EML6: variants seen among roughly 807,000 people sequenced by gnomAD.
EML6 encodes the protein echinoderm microtubule-associated protein-like 6.
In EML6, 154 loss-of-function variants were observed where a neutral mutation model predicts 240.1. That is an observed-to-expected ratio of 0.64 (90% confidence interval 0.56 to 0.73). The LOEUF (loss-of-function observed/expected upper bound fraction) is 0.73, where lower values mean the gene tolerates loss of function less well. Among genes scored for constraint, EML6 ranks in the 30% least tolerant of loss-of-function variants. The pLI, the probability that EML6 is intolerant of heterozygous loss-of-function variation, is 0.00. For synonymous variants in EML6, 1,148 were observed against 899.0 expected (o/e 1.28, Z -4.95); for missense variants, 2,964 against 2,474.6 (o/e 1.20, Z -4.20).
intron 4 of EML6, among the ~76,000 whole-genome samples, chr2:54,818,576 C>T (rs1330866551): frequency 6.6e-6 from 1 of 152,226 alleles, no homozygotes; most frequent in African/African-American, 2.4e-5. Flanking sequence ...GTTCTGAGGG[C>T]TGCCCAATTT....
At chr2:54,852,688 T>C (rs1670155039) in intron 10 of EML6, among the ~76,000 whole-genome samples, 1 of 152,264 alleles carries the variant, frequency 6.6e-6, no homozygotes, top group Admixed American at 6.5e-5. Context: ...TTTTACGTAA[T>C]GCTGTTACAG....
chr2:54,808,188 A>T (rs1446374882), intron 2 of EML6, among the ~76,000 whole-genome samples: 10 of 152,182 alleles, frequency 6.6e-5, no homozygotes, highest in Admixed American at 6.5e-4. Flanking sequence ...CTGTGGTGTC[A>T]AGATCACAGT....
chr2:54,817,836 T>C (rs1466317808), intron 4 of EML6, among the ~76,000 whole-genome samples: 1 of 151,074 alleles, frequency 6.6e-6, no homozygotes, highest in African/African-American at 2.4e-5. Context: ...GGCACATTGA[T>C]CTATGGAGGT....
chr2:54,968,680 C>T lies in EML6; in HGVS notation c.5764C>T (p.Arg1922Ter), dbSNP rs1676856448. ...CTTTTGCTCACAGGCCAAACATAAG[C>T]GATACTTCGGTCACTCGGCTCACGT... is the stretch of plus-strand genomic sequence containing the variant. ...PCTEKFAKHK[R>*]YFGHSAHVTN... The change falls in exon 41 of 42, where the codon CGA becomes TGA. Residue 1922 changes from arginine (R) to a stop codon, truncating the protein, a stop_gained. Transcript: ENST00000356458. LOFTEE classifies it high-confidence loss of function. 2 of 1,549,734 alleles carry T rather than the reference C, an allele frequency of 1.3e-6. No homozygotes were observed. Among genetic ancestry groups the T allele is most frequent in the Non-Finnish European group, 1.7e-6 (2 of 1,145,344 alleles).
In EML6 at chr2:54,931,513, G is replaced by A. The variant is rs1674864223; in HGVS notation, c.4004+2762G>A. Among the ~76,000 whole-genome samples the A allele has an allele frequency of 2.0e-5, 3 of 152,304 alleles. No homozygotes were observed. The South Asian group carries it at 6.2e-4, about 32-fold the overall frequency. The stretch of plus-strand genomic sequence containing the variant: ...AGGCAGCAGTGGCCAGCTTCTCCCT[G>A]GGAATAATCAGGGCCGTTGCCCAGC... On this transcript the variant is annotated intron_variant, in intron 28 of 41. Coordinates refer to ENST00000356458, the MANE Select transcript of EML6 (RefSeq NM_001039753.4).
chr2:54,892,430 A>G, intron 18 of EML6, 24 bp from the exon 19 acceptor site: 1 of 1,517,906 alleles, frequency 6.6e-7, no homozygotes, highest in Non-Finnish European at 9.0e-7. Flanking sequence ...TTATAAAGTA[A>G]TAACTGTTCT....
rs1326160353 is a variant in EML6, at chr2:54,968,295, A to C, written c.5751+14A>C. 5.8e-6 allele frequency: 9 copies of C among 1,551,520 alleles called. No individual in the cohort carries two copies. In the Admixed American group the frequency reaches 1.4e-4, roughly 24 times the overall value. The stretch of plus-strand genomic sequence containing the variant: ...ACAGAAAAATTTGTGAGTGTTCCTC[A>C]GAGTAACCTCCCTGCAGGTTCTCTG... On this transcript the variant is annotated intron_variant, in intron 40 of 41. Coordinates refer to ENST00000356458, the MANE Select transcript of EML6 (RefSeq NM_001039753.4).
intron 13 of EML6, among the ~76,000 whole-genome samples, chr2:54,864,757 G>A (rs1670875803): frequency 6.6e-6 from 1 of 152,180 alleles, no homozygotes; most frequent in African/African-American, 2.4e-5. Flanking sequence ...GGATAACAAT[G>A]CTTACCTAGG....
intron 21 of EML6, among the ~76,000 whole-genome samples, chr2:54,897,488 C>T (rs1262938040): frequency 6.6e-6 from 1 of 152,214 alleles, no homozygotes; most frequent in Non-Finnish European, 1.5e-5. Context: ...AAATTACCCA[C>T]AGTCACATGC....
intron 2 of EML6, among the ~76,000 whole-genome samples, chr2:54,796,945 C>A (rs193231662): frequency 6.8e-4 from 104 of 151,836 alleles, no homozygotes; most frequent in African/African-American, 2.3e-3. Flanking sequence ...TGGGCAATCT[C>A]GAGGTCAGGA....
At chr2:54,922,717 T>C (rs1674323591) in intron 26 of EML6, among the ~76,000 whole-genome samples, 1 of 152,042 alleles carries the variant, frequency 6.6e-6, no homozygotes, top group African/African-American at 2.4e-5. Context: ...ATTATTCACA[T>C]AAAAAAGAAG....
chr2:54,875,717 T>C (rs1256348179), intron 16 of EML6, among the ~76,000 whole-genome samples: 6 of 152,360 alleles, frequency 3.9e-5, no homozygotes, highest in Non-Finnish European at 4.4e-5. Context: ...ATTATCTCAG[T>C]TGAGAACCTC....
At chr2:54,966,001 T>G (rs1434188104) in intron 38 of EML6, among the ~76,000 whole-genome samples, 1 of 152,208 alleles carries the variant, frequency 6.6e-6, no homozygotes, top group African/African-American at 2.4e-5. Context: ...AAGGACAGCA[T>G]GGAGGTTAGA....
chr2:54,796,603 T>C (rs1425787416), intron 2 of EML6, among the ~76,000 whole-genome samples: 1 of 152,106 alleles, frequency 6.6e-6, no homozygotes, highest in African/African-American at 2.4e-5. Context: ...ATATTAAATG[T>C]GTGTGCTTGC....
intron 2 of EML6, among the ~76,000 whole-genome samples, chr2:54,784,137 G>A (rs913769476): frequency 3.9e-5 from 6 of 152,024 alleles, no homozygotes; most frequent in Non-Finnish European, 7.4e-5. Flanking sequence ...TAGAGATGGG[G>A]ATCTTGCTAT....
chr2:54,807,886 C>T (rs568165024), intron 2 of EML6, among the ~76,000 whole-genome samples: 2 of 152,198 alleles, frequency 1.3e-5, no homozygotes, highest in East Asian at 1.9e-4. Context: ...GTATTTTTAA[C>T]CATTCTTTTA....
intron 2 of EML6, among the ~76,000 whole-genome samples, chr2:54,785,761 ATC>A (rs200191659): frequency 0.03 from 4,614 of 152,160 alleles, 110 homozygotes; most frequent in Non-Finnish European, 0.043. Context: ...TTCATGACAT[ATC>A]TCTTTCTTAA....
chr2:54,785,023 G>A (rs1259840822), intron 2 of EML6, among the ~76,000 whole-genome samples: 1 of 152,090 alleles, frequency 6.6e-6, no homozygotes, highest in Non-Finnish European at 1.5e-5. Context: ...TGACTTTTCT[G>A]TGCTTCTTTG....
intron 2 of EML6, among the ~76,000 whole-genome samples, chr2:54,747,736 A>G (rs1347759671): frequency 6.6e-6 from 1 of 152,180 alleles, no homozygotes; most frequent in Non-Finnish European, 1.5e-5. Flanking sequence ...TACTGTACTA[A>G]TTAGCATGAT....
Sources: allele counts gnomAD v4.1 joint callset (sites outside exome capture counted in the v4.1 genomes callset), GRCh38; gene constraint gnomAD v4.1.1; transcripts MANE v1.5; gene names NCBI Gene and HGNC (gene_info 2026-07-23, HGNC 2026-07-21).